Variants in TPCN1 observed in about 807,000 individuals in gnomAD.
The protein encoded by TPCN1 is two pore segment channel 1.
TPCN1 carries 52 observed loss-of-function variants against 108.8 expected under a neutral mutation model. That is an observed-to-expected ratio of 0.48 (90% CI 0.38 to 0.60). The LOEUF (loss-of-function observed/expected upper bound fraction) is 0.60, where lower values mean the gene tolerates loss of function less well. TPCN1 is among the 20% of genes least tolerant of loss of function. TPCN1 has a pLI of 0.00. For missense variants in TPCN1, 806 were observed against 1,072.8 expected (o/e 0.75, Z 3.47); for synonymous variants, 446 against 433.7 (o/e 1.03, Z -0.35).
intron 2 of TPCN1, among the ~76,000 whole-genome samples, chr12:113,258,243 G>A (rs528913528): frequency 1.6e-4 from 25 of 152,026 alleles, no homozygotes; most frequent in Non-Finnish European, 2.4e-4. Flanking sequence ...CAGGCGGGTG[G>A]ATCACTTGAG....
rs1956149777 is a variant in TPCN1, at chr12:113,288,212, G to A, written c.1684G>A (p.Glu562Lys). 1.9e-6 allele frequency: 3 copies of A among 1,613,922 alleles called. No individual in the cohort carries two copies. Among genetic ancestry groups the A allele is most frequent in the South Asian group, 1.1e-5 (1 of 91,080 alleles). Residue 562 changes from glutamate (E) to lysine (K), a missense_variant, in exon 20 of 28, where the codon GAG (glutamate) becomes AAG (lysine). By Grantham distance (56) the Glu-to-Lys change is moderately conservative (BLOSUM62 1). Transcript: ENST00000335509. This position sits in a 1 kb window ranked among gnomAD's most constrained non-coding sequence, Gnocchi z 4.8. ...CCGCAACGTGCTGGACACCATGTTC[G>A]AGCTGCTGCCCCGGATGGCCAGGTA... is the stretch of plus-strand genomic sequence containing the variant. ...RYRNVLDTMF[E>K]LLPRMASLGL...
At chr12:113,290,270 C>T in intron 22 of TPCN1, 27 bp downstream of exon 22, 2 of 1,491,834 alleles carry the variant, frequency 1.3e-6, no homozygotes, top group Non-Finnish European at 1.8e-6. Flanking sequence ...ACAGGGGGCA[C>T]ATTCCCTGGG....
intron 2 of TPCN1, among the ~76,000 whole-genome samples, chr12:113,240,252 G>A (rs1201937674): frequency 1.3e-5 from 2 of 152,222 alleles, no homozygotes; most frequent in Non-Finnish European, 2.9e-5. Context: ...ACGCCGTCCA[G>A]AGTGTATGGG....
chr12:113,261,322 A>C (rs530786042), intron 3 of TPCN1, among the ~76,000 whole-genome samples: 7 of 152,100 alleles, frequency 4.6e-5, no homozygotes, highest in Non-Finnish European at 1.0e-4. Flanking sequence ...GTTTAAAAAA[A>C]ATGTATTATA....
Position 113,272,619 on chromosome 12 carries a change from C to G in TPCN1, c.749-39C>G. On this transcript the variant is annotated intron_variant, in intron 7 of 27. Coordinates refer to ENST00000335509, the MANE Select transcript of TPCN1 (RefSeq NM_017901.6). The surrounding 1 kb of genome is among the most constrained non-coding windows in gnomAD (Gnocchi z 4.1). ...TTGACACCAGGTTTTGGGACCTCTG[C>G]TCTAATCCTTTTGTTTATCTGTTTC... 1 of 1,602,116 alleles carries G rather than the reference C, an allele frequency of 6.2e-7. No homozygotes were observed. The highest frequency in any genetic ancestry group is 1.1e-5 in the South Asian group (1 of 90,832).
chr12:113,287,865 C>G (rs562148919), intron 19 of TPCN1, among the ~76,000 whole-genome samples: 4 of 152,314 alleles, frequency 2.6e-5, no homozygotes, highest in African/African-American at 7.2e-5. Context: ...GGAGCAAGGC[C>G]TTGCTCCTGT....
chr12:113,231,322 C>A lies in TPCN1; in HGVS notation c.112+4358C>A, dbSNP rs990898073. 6.6e-6 allele frequency among the ~76,000 whole-genome samples: 1 copy of A among 152,246 alleles called. No homozygotes were observed. Among genetic ancestry groups the A allele is most frequent in the Admixed American group, 6.5e-5 (1 of 15,290 alleles). On this transcript the variant is annotated intron_variant, in intron 2 of 27. Transcript: ENST00000335509. The surrounding 1 kb of genome is among the most constrained non-coding windows in gnomAD (Gnocchi z 4.3). ...CAGCAGGTTTGGTTTCTTGCGAAGCCTCTTTCCTTGGCTCGCAAATGGTTA... is the reference window on the plus strand; with the variant it reads ...CAGCAGGTTTGGTTTCTTGCGAAGCATCTTTCCTTGGCTCGCAAATGGTTA...
At chr12:113,286,858 G>A (rs543951828) in intron 18 of TPCN1, 129 bp from the exon 19 acceptor site, 50 of 681,764 alleles carry the variant, frequency 7.3e-5, no homozygotes, top group Middle Eastern at 6.5e-4. Flanking sequence ...TCCCGCAGCC[G>A]GCTGGTTCCT....
At chr12:113,246,777 G>A (rs1425680540) in intron 2 of TPCN1, among the ~76,000 whole-genome samples, 2 of 152,202 alleles carry the variant, frequency 1.3e-5, no homozygotes, top group Admixed American at 1.3e-4. Context: ...CTCTGGGCAA[G>A]AACAGTGCCA....
At chr12:113,295,124 T>G (rs1286485896) in intron 27 of TPCN1, among the ~76,000 whole-genome samples, 1 of 152,210 alleles carries the variant, frequency 6.6e-6, no homozygotes, top group Non-Finnish European at 1.5e-5. Flanking sequence ...GGGATGACTG[T>G]GCAGCAGCAC....
At chr12:113,260,255 C>T (rs1954975649) in intron 2 of TPCN1, 113 bp from the exon 3 acceptor site, 11 of 1,200,098 alleles carry the variant, frequency 9.2e-6, no homozygotes, top group South Asian at 1.8e-5. Flanking sequence ...TTGAAGATGA[C>T]GGGATGTCCA....
chr12:113,282,332 A>T (rs1018670367), intron 15 of TPCN1, among the ~76,000 whole-genome samples: 5 of 151,714 alleles, frequency 3.3e-5, no homozygotes, highest in African/African-American at 7.2e-5. Flanking sequence ...ACCTCAGTTG[A>T]TCCACCTGCC....
chr12:113,244,486 GA>G, intron 2 of TPCN1: 2 of 985,452 alleles, frequency 2.0e-6, no homozygotes, highest in Non-Finnish European at 2.4e-6. Flanking sequence ...TGAGCAGGGG[GA>G]TGTGCATTTT....
At chr12:113,295,275 G>A (rs1342668767) in intron 27 of TPCN1, among the ~76,000 whole-genome samples, 1 of 151,934 alleles carries the variant, frequency 6.6e-6, no homozygotes, top group African/African-American at 2.4e-5. Flanking sequence ...AAAGTCTATG[G>A]TTCAGTCTTT....
chr12:113,225,146 C>T, intron 1 of TPCN1: 1 of 411,162 alleles, frequency 2.4e-6, no homozygotes, highest in South Asian at 1.8e-5. Flanking sequence ...CCTCCAACTC[C>T]TGGGATCAAG....
In TPCN1 at chr12:113,279,386, TA is replaced by T. The variant is rs1365762594; in HGVS notation, c.1297+552del. On this transcript the variant is annotated intron_variant, in intron 14 of 27. Coordinates refer to ENST00000335509, the MANE Select transcript of TPCN1 (RefSeq NM_017901.6). ...ATATATATATATATATATATATATA[TA>T]TATATTTTTTTTTTTTTTTTTTTTT... 3.4e-3 allele frequency among the ~76,000 whole-genome samples: 152 copies of T among 44,770 alleles called. 1 individual carries two copies. The highest frequency in any genetic ancestry group is 7.9e-3 in the African/African-American group (71 of 8,962). The allele number at this position is 44,770 out of a possible 152,430, so 29.4% of individuals were successfully genotyped here.
chr12:113,249,459 T>C (rs1021418589), intron 2 of TPCN1: 3 of 152,208 alleles, frequency 2.0e-5, no homozygotes, highest in African/African-American at 2.4e-5. Flanking sequence ...CTGTAACCAA[T>C]TGGCCCTATA....
At chr12:113,280,698 A>G (rs558267997) in intron 15 of TPCN1, among the ~76,000 whole-genome samples, 3 of 152,380 alleles carry the variant, frequency 2.0e-5, no homozygotes, top group South Asian at 2.1e-4. Flanking sequence ...AATAGCCACA[A>G]ATGGCTAATG....
At chr12:113,245,621 A>G (rs1235562373) in intron 2 of TPCN1, among the ~76,000 whole-genome samples, 1 of 149,860 alleles carries the variant, frequency 6.7e-6, no homozygotes, top group Non-Finnish European at 1.5e-5. Context: ...AAAAAAAAAA[A>G]GAAAAGAAAA....
Sources: allele counts gnomAD v4.1 joint callset (sites outside exome capture counted in the v4.1 genomes callset), GRCh38; gene constraint gnomAD v4.1.1; non-coding constraint Gnocchi (gnomAD v3.1); transcripts MANE v1.5; gene names NCBI Gene and HGNC (gene_info 2026-07-23, HGNC 2026-07-21).